Variants in LHFPL6 observed in about 807,000 individuals in gnomAD.
LHFPL6 encodes LHFPL tetraspan subfamily member 6 protein.
A neutral mutation model predicts 20.6 loss-of-function variants in LHFPL6; 9 were observed. The observed-to-expected ratio is 0.44, with a 90% CI of 0.26 to 0.76. The LOEUF is 0.76. Ranked by LOEUF, LHFPL6 falls within the 30% of genes least tolerant of loss-of-function variation. The pLI is 0.20. For missense variants in LHFPL6, 218 were observed against 253.5 expected, an observed-to-expected ratio of 0.86 and a Z score of 0.95; for synonymous variants, 105 against 98.7, an observed-to-expected ratio of 1.06 and a Z score of -0.38.
At chr13:39,576,752 GCCT>G (rs1872128662) in intron 2 of LHFPL6, among the ~76,000 whole-genome samples, 1 of 152,060 alleles carries the variant, frequency 6.6e-6, no homozygotes, top group Non-Finnish European at 1.5e-5. Flanking sequence ...TCACAACTCG[GCCT>G]CCTGAGTAGC....
At chr13:39,434,277 T>A (rs139912887) in intron 2 of LHFPL6, among the ~76,000 whole-genome samples, 3 of 152,276 alleles carry the variant, frequency 2.0e-5, no homozygotes, top group African/African-American at 7.2e-5. Flanking sequence ...TGTAAGAAAA[T>A]ATATTATTGA....
intron 2 of LHFPL6, among the ~76,000 whole-genome samples, chr13:39,517,227 G>T (rs1304021332): frequency 1.3e-5 from 2 of 152,116 alleles, no homozygotes; most frequent in African/African-American, 4.8e-5. Context: ...AATGCAATTT[G>T]CTGATTGGAA....
intron 2 of LHFPL6, among the ~76,000 whole-genome samples, chr13:39,405,055 T>C (rs1871085611): frequency 1.3e-5 from 2 of 152,168 alleles, no homozygotes; most frequent in African/African-American, 4.8e-5. Context: ...TTAATGCATA[T>C]GTAACATAAG....
intron 2 of LHFPL6, among the ~76,000 whole-genome samples, chr13:39,534,461 T>C (rs184849344): frequency 6.6e-6 from 1 of 152,368 alleles, no homozygotes; most frequent in East Asian, 1.9e-4. Flanking sequence ...CTGGGCTTCA[T>C]ATATAGGTCA....
intron 2 of LHFPL6, among the ~76,000 whole-genome samples, chr13:39,532,925 T>C (rs1411583443): frequency 1.3e-5 from 2 of 152,212 alleles, no homozygotes; most frequent in Non-Finnish European, 2.9e-5. Context: ...TTTTCAAACA[T>C]ACTGTCTTCA....
At chr13:39,560,253 C>A (rs930876680) in intron 2 of LHFPL6, among the ~76,000 whole-genome samples, 4 of 152,180 alleles carry the variant, frequency 2.6e-5, no homozygotes, top group Non-Finnish European at 5.9e-5. Context: ...TTCCTCTTCA[C>A]AATTCTTTGA....
At chr13:39,587,741 A>G (rs1872494175) in intron 2 of LHFPL6, among the ~76,000 whole-genome samples, 1 of 152,072 alleles carries the variant, frequency 6.6e-6, no homozygotes, top group Admixed American at 6.6e-5. Flanking sequence ...CCCAGAAAGT[A>G]GCATCAACAG....
chr13:39,409,933 A>G (rs1184628585), intron 2 of LHFPL6, among the ~76,000 whole-genome samples: 1 of 152,244 alleles, frequency 6.6e-6, no homozygotes, highest in East Asian at 1.9e-4. Flanking sequence ...CTCTAAGCCA[A>G]CTTCTACAGA....
chr13:39,350,099 G>C (rs1182465685), intron 3 of LHFPL6, among the ~76,000 whole-genome samples: 1 of 152,124 alleles, frequency 6.6e-6, no homozygotes, highest in Non-Finnish European at 1.5e-5. Context: ...AACGCAGCCG[G>C]GAACAATACA....
chr13:39,490,189 G>GAATTGCGA lies in LHFPL6; in HGVS notation c.385+110642_385+110643insTCGCAATT, dbSNP rs777919794. On this transcript the variant is annotated intron_variant, in intron 2 of 3. Transcript: ENST00000379589. ...TCTTCACTGAGTGCAAAACACGCAG[G>GAATTGCGA]AATTGCTTGGATTCTAAAACACGGA... 1.1e-3 allele frequency among the ~76,000 whole-genome samples: 170 copies of GAATTGCGA among 152,202 alleles called. 4 individuals carry two copies. In the South Asian group the frequency reaches 0.034, roughly 30 times the overall value.
rs1045252129 is a variant in LHFPL6 at position 39,523,038 on chromosome 13, G to GA, written c.385+77793dup. On this transcript the variant is annotated intron_variant, in intron 2 of 3. Transcript: ENST00000379589. Reference sequence around the variant, plus strand: ...AAATACTACTCAAAAGTCTTTGTAGGAAAAAAAGAACCATTTGCCTCAACT... The same window carrying GA: ...AAATACTACTCAAAAGTCTTTGTAGGAAAAAAAAGAACCATTTGCCTCAACT... 5.3e-5 allele frequency among the ~76,000 whole-genome samples: 8 copies of GA among 151,976 alleles called. 1 individual carries two copies. Among genetic ancestry groups the GA allele is most frequent in the African/African-American group, 1.9e-4 (8 of 41,368 alleles).
At chr13:39,482,214 T>C (rs866911954) in intron 2 of LHFPL6, among the ~76,000 whole-genome samples, 1 of 152,180 alleles carries the variant, frequency 6.6e-6, no homozygotes, top group East Asian at 1.9e-4. Flanking sequence ...GAGGCTGAGA[T>C]GGGCAGATCA....
chr13:39,465,268 A>C (rs1486719043), intron 2 of LHFPL6, among the ~76,000 whole-genome samples: 2 of 152,150 alleles, frequency 1.3e-5, no homozygotes, highest in African/African-American at 2.4e-5. Context: ...TGGCTGTACC[A>C]ATACTAATTT....
At position 39,562,441 on chromosome 13, in the gene LHFPL6, T is replaced by C. The variant is rs868520600; in HGVS notation, c.385+38391A>G. 7.6e-3 allele frequency among the ~76,000 whole-genome samples: 757 copies of C among 99,124 alleles called. 6 individuals carry two copies. Among genetic ancestry groups the C allele is most frequent in the Admixed American group, 0.021 (201 of 9,738 alleles). The allele number at this position is 99,124 out of a possible 152,430, so 65.0% of individuals were successfully genotyped here. ...ACATATACATATATACATATATACA[T>C]ATATACACATATATACATATATACA... On this transcript the variant is annotated intron_variant, in intron 2 of 3. Coordinates refer to ENST00000379589, the MANE Select transcript of LHFPL6 (RefSeq NM_005780.3).
Position 39,458,418 on chromosome 13 carries a change from C to T in LHFPL6, c.386-79892G>A, listed in dbSNP as rs560855160. Among the ~76,000 whole-genome samples, 414 of 152,170 alleles carry T rather than the reference C, an allele frequency of 2.7e-3. 3 individuals carry two copies. The highest frequency in any genetic ancestry group is 9.4e-3 in the African/African-American group (391 of 41,518). On this transcript the variant is annotated intron_variant, in intron 2 of 3. Transcript: ENST00000379589. ...TTGAGGTCAATGAAAGCAAGCAAGC[C>T]AGGCGCGGTGGCTCATGCCTGTAAT... is the stretch of plus-strand genomic sequence containing the variant.
intron 3 of LHFPL6, among the ~76,000 whole-genome samples, chr13:39,349,971 T>C (rs957997759): frequency 1.3e-5 from 2 of 152,224 alleles, no homozygotes; most frequent in Non-Finnish European, 2.9e-5. Flanking sequence ...GCTTGAAGCC[T>C]GAAAATTCCC....
At chr13:39,459,163 G>A (rs1363664011) in intron 2 of LHFPL6, among the ~76,000 whole-genome samples, 1 of 150,828 alleles carries the variant, frequency 6.6e-6, no homozygotes, top group African/African-American at 2.4e-5. Context: ...CTGGTTCCAG[G>A]TCTGTCAGTA....
intron 2 of LHFPL6, among the ~76,000 whole-genome samples, chr13:39,443,675 C>G (rs1872201685): frequency 6.6e-6 from 1 of 151,794 alleles, no homozygotes; most frequent in Admixed American, 6.6e-5. Context: ...AGGGCCATTC[C>G]AATACGGTAT....
chr13:39,465,506 G>A (rs1462322505), intron 2 of LHFPL6, among the ~76,000 whole-genome samples: 1 of 152,096 alleles, frequency 6.6e-6, no homozygotes, highest in Non-Finnish European at 1.5e-5. Context: ...TTAAAAATTA[G>A]ACTCCCACCG....
Sources: allele counts gnomAD v4.1 joint callset (sites outside exome capture counted in the v4.1 genomes callset), GRCh38; gene constraint gnomAD v4.1.1; transcripts MANE v1.5; gene names NCBI Gene and HGNC (gene_info 2026-07-23, HGNC 2026-07-21).